The following SYNE1 variants were observed in gnomAD, a reference collection of about 807,000 sequenced individuals.
SYNE1 encodes the protein spectrin repeat containing nuclear envelope protein 1, also known as nesprin-1.
Under a neutral mutation model 1,111.0 loss-of-function variants are expected in SYNE1, and 616 were observed. The observed-to-expected ratio is 0.55, with a 90% confidence interval of 0.52 to 0.59. SYNE1 has a LOEUF of 0.59. SYNE1 is among the 20% of genes least tolerant of loss of function. The probability of loss-of-function intolerance (pLI) is 0.00; values close to 1 mark genes in which losing one functional copy is unlikely to be tolerated. For missense variants in SYNE1, 10,006 were observed against 10,417.0 expected (o/e 0.96, Z 1.72); for synonymous variants, 3,855 against 3,825.8 (o/e 1.01, Z -0.28).
At chr6:152,350,514 T>C (rs1054162442) in intron 71 of SYNE1, 104 bp downstream of exon 71, 1 of 1,520,366 alleles carries the variant, frequency 6.6e-7, no homozygotes, top group Non-Finnish European at 9.1e-7. Flanking sequence ...TAAAAAAAAA[T>C]ACTAACCCGT....
Position 152,440,963 on chromosome 6 carries a change from C to T in SYNE1, c.4149+167G>A, listed in dbSNP as rs6915736. On this transcript the variant is annotated intron_variant, in intron 32 of 145. Coordinates refer to ENST00000367255, the MANE Select transcript of SYNE1 (RefSeq NM_182961.4). ...TTGTTTTACTTCTTGATGTTTAATC[C>T]TACTTATGTTTTCATTCTCCAATAT... 0.21 allele frequency among the ~76,000 whole-genome samples: 31,644 copies of T among 152,048 alleles called. 4,217 individuals are homozygous for T. Among genetic ancestry groups the T allele is most frequent in the East Asian group, 0.37 (1,905 of 5,172 alleles).
At chr6:152,529,774 C>A (rs1018641975) in intron 4 of SYNE1, among the ~76,000 whole-genome samples, 1 of 152,120 alleles carries the variant, frequency 6.6e-6, no homozygotes, top group African/African-American at 2.4e-5. Context: ...TGACATGTGA[C>A]AACCCATGTG....
In SYNE1 at chr6:152,321,363, G is replaced by T. The variant is rs772587027; in HGVS notation, c.16111C>A (p.Arg5371=). The part of the protein sequence containing the change: ...QILLTEATNH[R]QNIEKMAEEQ... ...TCTGCCATTTTTTCAATGTTCTGTC[G>T]GTGATTTGTGGCTTCTGTTAGGAGA... Residue 5371 remains arginine, a synonymous_variant, in exon 84 of 146, where the codon CGA becomes AGA. Transcript: ENST00000367255. The T allele has an allele frequency of 6.2e-7, 1 of 1,613,616 alleles. No individual in the cohort carries two copies. Among genetic ancestry groups the T allele is most frequent in the Admixed American group, 1.7e-5 (1 of 59,988 alleles).
intron 3 of SYNE1, among the ~76,000 whole-genome samples, chr6:152,572,556 G>C (rs972918795): frequency 1.3e-5 from 2 of 152,158 alleles, no homozygotes; most frequent in African/African-American, 4.8e-5. Flanking sequence ...AACAGCTCCA[G>C]AGTCTATGAC....
chr6:152,485,101 C>T (rs1038318473), intron 12 of SYNE1, 129 bp from the exon 13 acceptor site: 14 of 1,093,622 alleles, frequency 1.3e-5, no homozygotes, highest in African/African-American at 4.7e-5. Flanking sequence ...ATAATAATAA[C>T]GGTAGTTATG....
intron 125 of SYNE1, among the ~76,000 whole-genome samples, chr6:152,207,020 G>A (rs1054693570): frequency 2.6e-5 from 4 of 152,272 alleles, no homozygotes; most frequent in Admixed American, 1.3e-4. Flanking sequence ...AAAGTAGAAT[G>A]GAAGAAGGAT....
At chr6:152,461,506 A>C (rs1429368756) in intron 21 of SYNE1, 91 bp downstream of exon 21, 1 of 1,505,184 alleles carries the variant, frequency 6.6e-7, no homozygotes, top group East Asian at 2.3e-5. Flanking sequence ...TAACAAGTAA[A>C]CACTTTGCCC....
Position 152,390,391 on chromosome 6 carries a change from T to A in SYNE1, c.8066A>T (p.Glu2689Val), listed in dbSNP as rs1280163839. 9 of 1,613,978 alleles carry A rather than the reference T, an allele frequency of 5.6e-6. No homozygotes were observed. The highest frequency in any genetic ancestry group is 6.8e-6 in the Non-Finnish European group (8 of 1,180,020). Residue 2689 changes from glutamate (E) to valine (V), a missense_variant, in exon 53 of 146, where the codon GAA (glutamate) becomes GTA (valine). This residue lies in a region of SYNE1 where 4,955 missense variants were observed against 5,017.2 expected (regional missense o/e 0.99). Coordinates refer to ENST00000367255, the MANE Select transcript of SYNE1 (RefSeq NM_182961.4). ...VKLNMAIGKG[E>V]QALRSSNKEG... is the part of the protein sequence containing the mutation. The stretch of plus-strand genomic sequence containing the variant: ...TTTGTTGCTACTTCTCAAGGCCTGT[T>A]CCCCCTTGCCAATGGCCATATTCAA...
intron 127 of SYNE1, among the ~76,000 whole-genome samples, chr6:152,196,282 T>C (rs571315096): frequency 1.3e-5 from 2 of 152,244 alleles, no homozygotes; most frequent in South Asian, 4.2e-4. Flanking sequence ...GTTGTTGCTA[T>C]GCTGGTACCT....
chr6:152,323,905 G>A (rs754697985), intron 81 of SYNE1, among the ~76,000 whole-genome samples, 168 bp from the exon 82 acceptor site: 2 of 152,018 alleles, frequency 1.3e-5, no homozygotes, highest in Non-Finnish European at 2.9e-5. Flanking sequence ...CATGAAAGGA[G>A]ATATCACCTC....
chr6:152,152,079 G>A lies in SYNE1; in HGVS notation c.24192C>T (p.Arg8064=). ...TQLELINKQY[R]RLARENRTDS... is the part of the protein sequence containing the mutation. The stretch of plus-strand genomic sequence containing the variant: ...CAGTGCGGTTCTCCCTGGCCAGGCG[G>A]CGGTACTGCTTGTTGATCAGTTCCA... Residue 8064 remains arginine (R), a synonymous_variant, in exon 134 of 146, where the codon CGC becomes CGT. Transcript: ENST00000367255. 4.3e-6 allele frequency: 7 copies of A among 1,614,186 alleles called. No individual in the cohort carries two copies. The highest frequency in any genetic ancestry group is 5.1e-6 in the Non-Finnish European group (6 of 1,180,036).
intron 3 of SYNE1, among the ~76,000 whole-genome samples, chr6:152,587,170 C>A (rs1413239673): frequency 6.6e-6 from 1 of 152,056 alleles, no homozygotes; most frequent in African/African-American, 2.4e-5. Context: ...GATAGAGATA[C>A]TCCTATCCTA....
intron 14 of SYNE1, among the ~76,000 whole-genome samples, chr6:152,476,171 T>A (rs1017237249): frequency 1.2e-4 from 19 of 152,208 alleles, no homozygotes; most frequent in African/African-American, 4.3e-4. Flanking sequence ...ATCTCCAAGC[T>A]GTACTTCTTC....
At chr6:152,479,031 G>A (rs893115735) in intron 14 of SYNE1, among the ~76,000 whole-genome samples, 1 of 152,112 alleles carries the variant, frequency 6.6e-6, no homozygotes, top group Non-Finnish European at 1.5e-5. Context: ...AAGGTGGTAG[G>A]GTAACAGATT....
chr6:152,417,057 C>G, intron 40 of SYNE1, 42 bp from the exon 41 acceptor site: 1 of 1,609,920 alleles, frequency 6.2e-7, no homozygotes, highest in South Asian at 1.1e-5. Flanking sequence ...AGATACACTA[C>G]AGTCTATGGC....
intron 128 of SYNE1, among the ~76,000 whole-genome samples, chr6:152,188,819 A>G (rs7740884): frequency 0.43 from 64,101 of 150,114 alleles, 14,329 homozygotes; most frequent in African/African-American, 0.58. Flanking sequence ...TTAGCTGGGC[A>G]TGGTGGCAGG....
chr6:152,597,503 T>C (rs2099585397), intron 3 of SYNE1, among the ~76,000 whole-genome samples: 2 of 152,172 alleles, frequency 1.3e-5, no homozygotes, highest in African/African-American at 4.8e-5. Flanking sequence ...CCCAGGCTGG[T>C]CTTGAACTCT....
chr6:152,453,813 C>T (rs1490826234), intron 24 of SYNE1, 93 bp from the exon 25 acceptor site: 2 of 1,526,534 alleles, frequency 1.3e-6, no homozygotes, highest in East Asian at 2.3e-5. Context: ...ACAAGCCTCT[C>T]AGCCAGCTGC....
At chr6:152,485,214 A>G (rs2098932885) in intron 12 of SYNE1, among the ~76,000 whole-genome samples, 1 of 152,200 alleles carries the variant, frequency 6.6e-6, no homozygotes, top group African/African-American at 2.4e-5. Flanking sequence ...CACCCTACAC[A>G]TGCATTATTA....
Sources: gnomAD v4.1 joint callset for allele counts (sites outside exome capture counted in the v4.1 genomes callset) on GRCh38, gnomAD v4.1.1 for gene constraint, gnomAD v4.1.1 regional missense constraint, MANE v1.5 for transcripts, NCBI Gene and HGNC (gene_info 2026-07-23, HGNC 2026-07-21) for gene names.